TOX: variants seen among roughly 807,000 people sequenced by gnomAD.
TOX encodes the protein thymocyte selection-associated high mobility group box protein TOX.
A neutral mutation model predicts 53.7 loss-of-function variants in TOX; 11 were observed. That is an observed-to-expected ratio of 0.20 (90% CI 0.13 to 0.34). TOX has a LOEUF of 0.34. Among genes scored for constraint, TOX ranks in the 10% least tolerant of loss-of-function variants. The probability of loss-of-function intolerance (pLI) is 1.00; values close to 1 mark genes in which losing one functional copy is unlikely to be tolerated. For synonymous variants in TOX, 225 were observed against 245.3 expected, an observed-to-expected ratio of 0.92 and a Z score of 0.77; for missense variants, 570 against 664.6, an observed-to-expected ratio of 0.86 and a Z score of 1.56.
intron 2 of TOX, among the ~76,000 whole-genome samples, chr8:58,948,255 G>C (rs931140480): frequency 6.6e-6 from 1 of 152,100 alleles, no homozygotes; most frequent in Admixed American, 6.5e-5. Flanking sequence ...GGTGGGGCAG[G>C]GTAGCCCTAA....
chr8:58,857,816 C>T (rs775021974), intron 3 of TOX, among the ~76,000 whole-genome samples: 13 of 152,066 alleles, frequency 8.5e-5, no homozygotes, highest in Non-Finnish European at 1.9e-4. Context: ...GTCGCACAGG[C>T]TACAGTGCAT....
At chr8:58,904,072 CAT>C (rs1811773641) in intron 3 of TOX, among the ~76,000 whole-genome samples, 1 of 152,100 alleles carries the variant, frequency 6.6e-6, no homozygotes, top group Non-Finnish European at 1.5e-5. Context: ...AGGCTCAGAT[CAT>C]GTTTTTTAAA....
At chr8:59,097,531 A>G (rs76010095) in intron 1 of TOX, among the ~76,000 whole-genome samples, 2,178 of 152,330 alleles carry the variant, frequency 0.014, 48 homozygotes, top group African/African-American at 0.05. Context: ...AAAAGAAATA[A>G]AACTCACGTA....
At chr8:58,921,867 T>C (rs1362124517) in intron 3 of TOX, among the ~76,000 whole-genome samples, 1 of 152,250 alleles carries the variant, frequency 6.6e-6, no homozygotes, top group African/African-American at 2.4e-5. Flanking sequence ...TCTTAATGTT[T>C]ATACTTCAAA....
At chr8:58,911,149 C>T (rs1274870579) in intron 3 of TOX, among the ~76,000 whole-genome samples, 1 of 152,002 alleles carries the variant, frequency 6.6e-6, no homozygotes, top group Non-Finnish European at 1.5e-5. Context: ...CTTCCAAATC[C>T]CCTTGGGAGT....
chr8:59,072,993 T>C (rs945648228), intron 1 of TOX, among the ~76,000 whole-genome samples: 4 of 152,294 alleles, frequency 2.6e-5, no homozygotes, highest in African/African-American at 9.6e-5. Flanking sequence ...GGGCAGCTAC[T>C]TAAAAATAAT....
chr8:58,998,040 C>A (rs1015533327), intron 1 of TOX, among the ~76,000 whole-genome samples: 2 of 152,114 alleles, frequency 1.3e-5, no homozygotes, highest in African/African-American at 4.8e-5. Context: ...GATCCGCCCG[C>A]CTCGGCCTGG....
At chr8:59,073,947 C>G in intron 1 of TOX, among the ~76,000 whole-genome samples, 1 of 152,138 alleles carries the variant, frequency 6.6e-6, no homozygotes, top group Admixed American at 6.5e-5. Context: ...AAGCATTATC[C>G]CATTTCCTCA....
chr8:59,040,695 C>G (rs1024612129), intron 1 of TOX, among the ~76,000 whole-genome samples: 1 of 152,226 alleles, frequency 6.6e-6, no homozygotes, highest in Non-Finnish European at 1.5e-5. Flanking sequence ...CTGCACAGCA[C>G]GACCAAAGCA....
At chr8:58,956,764 C>T (rs1812716176) in intron 2 of TOX, among the ~76,000 whole-genome samples, 1 of 152,138 alleles carries the variant, frequency 6.6e-6, no homozygotes, top group South Asian at 2.1e-4. Context: ...TACAGGCACA[C>T]ACCACCATGC....
chr8:59,027,027 ATTC>A (rs1410055802), intron 1 of TOX, among the ~76,000 whole-genome samples: 2 of 152,124 alleles, frequency 1.3e-5, no homozygotes, highest in Non-Finnish European at 2.9e-5. Context: ...GATTACCAAA[ATTC>A]CATTGGCTAG....
chr8:58,880,877 G>A (rs994082519), intron 3 of TOX, among the ~76,000 whole-genome samples: 4 of 152,146 alleles, frequency 2.6e-5, no homozygotes, highest in African/African-American at 9.7e-5. Flanking sequence ...TTGCATATAT[G>A]GAAGTTATCC....
chr8:59,118,980 A>G lies in TOX; in HGVS notation c.8T>C (p.Val3Ala). The G allele has an allele frequency of 6.2e-7, 1 of 1,602,532 alleles. No homozygotes were observed. The highest frequency in any genetic ancestry group is 8.5e-7 in the Non-Finnish European group (1 of 1,173,546). MD[V>A]RFYPPPAQPA... ...CTGGGCTGGAGGTGGATAAAATCTT[A>G]CGTCCATTTCACTCTCACATCAAGC... is the stretch of plus-strand genomic sequence containing the variant. The change falls in exon 1 of 9, where the codon GTA becomes GCA. Residue 3 changes from valine to alanine, a missense_variant. Coordinates refer to ENST00000361421, the MANE Select transcript of TOX (RefSeq NM_014729.3). The surrounding 1 kb of genome is among the most constrained non-coding windows in gnomAD (Gnocchi z 4.1).
chr8:59,011,429 G>C (rs1456182139), intron 1 of TOX, among the ~76,000 whole-genome samples: 1 of 152,224 alleles, frequency 6.6e-6, no homozygotes, highest in Non-Finnish European at 1.5e-5. Context: ...CTGGAAAGAA[G>C]AAAGAATTGT....
intron 3 of TOX, among the ~76,000 whole-genome samples, chr8:58,859,067 G>A (rs1360969992): frequency 1.3e-5 from 2 of 152,106 alleles, no homozygotes; most frequent in African/African-American, 2.4e-5. Context: ...TTCCGAGAGA[G>A]CTTAATTATT....
At chr8:58,809,910 A>G (rs1810050128) in intron 7 of TOX, among the ~76,000 whole-genome samples, 1 of 152,160 alleles carries the variant, frequency 6.6e-6, no homozygotes, top group Non-Finnish European at 1.5e-5. Context: ...TCATAAGTAA[A>G]GTTTATTGCA....
intron 4 of TOX, among the ~76,000 whole-genome samples, chr8:58,839,822 C>G (rs1810614192): frequency 6.6e-6 from 1 of 152,162 alleles, no homozygotes; most frequent in African/African-American, 2.4e-5. Context: ...ATAACTGCCA[C>G]CATTGGAGAT....
At chr8:59,056,431 G>A (rs1179790008) in intron 1 of TOX, among the ~76,000 whole-genome samples, 114 of 56,288 alleles carry the variant, frequency 2.0e-3, no homozygotes, top group South Asian at 5.1e-3. Context: ...GGCCCTCTCC[G>A]AAAAAAAAAA....
intron 1 of TOX, among the ~76,000 whole-genome samples, chr8:59,114,010 G>C (rs1805062260): frequency 6.6e-6 from 1 of 152,188 alleles, no homozygotes; most frequent in East Asian, 1.9e-4. Context: ...AAAAACGTAT[G>C]ACCACTAGAA....
Sources: allele counts gnomAD v4.1 joint callset (sites outside exome capture counted in the v4.1 genomes callset), GRCh38; gene constraint gnomAD v4.1.1; non-coding constraint Gnocchi (gnomAD v3.1); transcripts MANE v1.5; gene names NCBI Gene and HGNC (gene_info 2026-07-23, HGNC 2026-07-21).